ABCB5: variants seen among roughly 807,000 people sequenced by gnomAD.
ABCB5 encodes ATP-binding cassette sub-family B member 5.
In ABCB5, 155 loss-of-function variants were observed where a neutral mutation model predicts 144.2. The observed-to-expected ratio is 1.08, with a 90% CI of 0.94 to 1.23. The LOEUF (loss-of-function observed/expected upper bound fraction) is 1.23. Among genes scored for constraint, ABCB5 ranks in the 50% most tolerant of loss-of-function variants. The pLI is 0.00. For missense variants in ABCB5, 1,830 were observed against 1,520.8 expected (o/e 1.20, Z -3.38); for synonymous variants, 610 against 528.6 (o/e 1.15, Z -2.11).
chr7:20,639,737 C>T (rs768421493), intron 5 of ABCB5, among the ~76,000 whole-genome samples: 36 of 152,126 alleles, frequency 2.4e-4, no homozygotes, highest in Admixed American at 9.8e-4. Flanking sequence ...TGCACTGTTT[C>T]GATTACTGTA....
rs192936302 is a variant in ABCB5, at chr7:20,647,183, G to C, written c.982-352G>C. On this transcript the variant is annotated intron_variant, in intron 9 of 27. Transcript: ENST00000404938. ...AAGGGGTCACCCAACAAGGAGGGGAGTGCAACTCACCATGGGGTTTATACA... is the reference window on the plus strand; with the variant it reads ...AAGGGGTCACCCAACAAGGAGGGGACTGCAACTCACCATGGGGTTTATACA... 1.7e-4 allele frequency: 110 copies of C among 645,900 alleles called. No homozygotes were observed. In the Admixed American group the frequency reaches 6.6e-3, roughly 39 times the overall value. The allele number at this position is 645,900 out of a possible 1,614,324, so 40.0% of individuals were successfully genotyped here.
At chr7:20,659,152 C>G in intron 14 of ABCB5, 1 of 1,613,748 alleles carries the variant, frequency 6.2e-7, no homozygotes, top group African/African-American at 1.3e-5. Context: ...CAGCTCTGGC[C>G]CCTCAAACCT....
At chr7:20,688,718 C>A (rs1183356599) in intron 16 of ABCB5, among the ~76,000 whole-genome samples, 1 of 152,104 alleles carries the variant, frequency 6.6e-6, no homozygotes, top group African/African-American at 2.4e-5. Context: ...TGGAACCAAC[C>A]CAAATGCCCA....
intron 4 of ABCB5, among the ~76,000 whole-genome samples, chr7:20,630,820 C>T (rs1324683369): frequency 1.3e-5 from 2 of 149,696 alleles, no homozygotes; most frequent in African/African-American, 5.0e-5. Flanking sequence ...CTAGGCACTA[C>T]ATATCTAATT....
At chr7:20,683,465 T>A (rs996744521) in intron 15 of ABCB5, among the ~76,000 whole-genome samples, 2 of 152,172 alleles carry the variant, frequency 1.3e-5, no homozygotes, top group African/African-American at 4.8e-5. Context: ...TAAGATTTTT[T>A]AAACACTATT....
intron 14 of ABCB5, among the ~76,000 whole-genome samples, chr7:20,670,890 CAA>C (rs931153506): frequency 3.9e-5 from 6 of 152,052 alleles, no homozygotes; most frequent in African/African-American, 1.5e-4. Flanking sequence ...GCCCGGGCAA[CAA>C]GAGCGAAATT....
intron 2 of ABCB5, among the ~76,000 whole-genome samples, chr7:20,625,647 G>T (rs1196994052): frequency 6.6e-6 from 1 of 152,110 alleles, no homozygotes; most frequent in East Asian, 1.9e-4. Flanking sequence ...AAAAGAAAAA[G>T]GAATGAACAA....
intron 5 of ABCB5, among the ~76,000 whole-genome samples, chr7:20,639,490 G>T (rs1784242485): frequency 6.6e-6 from 1 of 152,120 alleles, no homozygotes; most frequent in Non-Finnish European, 1.5e-5. Flanking sequence ...CTTAAACTTA[G>T]GTCTATGATC....
At chr7:20,621,108 ATTATG>A (rs1428195821) in intron 1 of ABCB5, among the ~76,000 whole-genome samples, 1 of 152,154 alleles carries the variant, frequency 6.6e-6, no homozygotes, top group East Asian at 1.9e-4. Context: ...CCTTGAAAAC[ATTATG>A]TTAAGTGAAA....
intron 15 of ABCB5, among the ~76,000 whole-genome samples, chr7:20,683,090 A>G (rs1337296735): frequency 2.0e-5 from 3 of 152,122 alleles, no homozygotes; most frequent in Admixed American, 6.5e-5. Context: ...TGATGTCAAT[A>G]TTATTATTTT....
chr7:20,667,506 TGAC>T, intron 14 of ABCB5: 1 of 981,260 alleles, frequency 1.0e-6, no homozygotes, highest in Non-Finnish European at 1.2e-6. Flanking sequence ...CCTTAGACTG[TGAC>T]GTGTTAATGC....
intron 13 of ABCB5, among the ~76,000 whole-genome samples, chr7:20,655,481 TC>T (rs970209497): frequency 3.4e-5 from 5 of 145,718 alleles, no homozygotes; most frequent in Non-Finnish European, 6.0e-5. Context: ...CCCCCGCACC[TC>T]CCCCCAGCCC....
chr7:20,723,260 G>A (rs578213592), intron 21 of ABCB5, 41 bp downstream of exon 21: 2 of 1,587,090 alleles, frequency 1.3e-6, no homozygotes, highest in Non-Finnish European at 8.6e-7. Flanking sequence ...CATTTAAAGA[G>A]AAAAACAGTC....
chr7:20,688,475 G>A (rs1488840501), intron 16 of ABCB5, among the ~76,000 whole-genome samples: 1 of 152,166 alleles, frequency 6.6e-6, no homozygotes, highest in African/African-American at 2.4e-5. Context: ...AACAACAGGT[G>A]CTGGAGAGGA....
intron 21 of ABCB5, among the ~76,000 whole-genome samples, chr7:20,725,949 C>A (rs1782022553): frequency 6.6e-6 from 1 of 152,164 alleles, no homozygotes; most frequent in African/African-American, 2.4e-5. Flanking sequence ...CTCCTACAAC[C>A]CAAGTTATTC....
intron 20 of ABCB5, among the ~76,000 whole-genome samples, chr7:20,722,211 G>T (rs1464432234): frequency 6.6e-6 from 1 of 152,168 alleles, no homozygotes. Flanking sequence ...ATGGCAGGGT[G>T]TTAGTATCTA....
chr7:20,703,842 T>C (rs1040574972), intron 19 of ABCB5, among the ~76,000 whole-genome samples: 6 of 152,180 alleles, frequency 3.9e-5, no homozygotes, highest in African/African-American at 1.4e-4. Flanking sequence ...CTTGTAATTT[T>C]GACGTGACTC....
chr7:20,722,049 G>C (rs553426897), intron 20 of ABCB5, among the ~76,000 whole-genome samples: 1 of 152,246 alleles, frequency 6.6e-6, no homozygotes, highest in East Asian at 1.9e-4. Context: ...CCTAGCAAAT[G>C]TGATTACAAC....
intron 5 of ABCB5, among the ~76,000 whole-genome samples, chr7:20,638,397 A>C (rs547745705): frequency 3.9e-5 from 6 of 152,166 alleles, no homozygotes; most frequent in African/African-American, 1.4e-4. Context: ...ATAATTTACC[A>C]GTTTTAATTG....
Sources: gnomAD v4.1 joint callset for allele counts (sites outside exome capture counted in the v4.1 genomes callset) on GRCh38, gnomAD v4.1.1 for gene constraint, MANE v1.5 for transcripts, NCBI Gene and HGNC (gene_info 2026-07-23, HGNC 2026-07-21) for gene names.